PABPC4L: variants seen among roughly 807,000 people sequenced by gnomAD.
PABPC4L encodes poly(A) binding protein cytoplasmic 4 like, also known as polyadenylate-binding protein 4-like.
For missense variants in PABPC4L, 452 were observed against 451.4 expected (o/e 1.00, Z -0.01); for synonymous variants, 169 against 164.1 (o/e 1.03, Z -0.23).
the PABPC4L span, among the ~76,000 whole-genome samples, chr4:134,150,547 A>C: frequency 6.6e-6 from 1 of 152,138 alleles, no homozygotes; most frequent in Non-Finnish European, 1.5e-5. Flanking sequence ...TGCAAATTTC[A>C]CTTTAAAAAA....
chr4:134,080,079 G>A, the PABPC4L span, among the ~76,000 whole-genome samples: 1 of 151,154 alleles, frequency 6.6e-6, no homozygotes, highest in Non-Finnish European at 1.5e-5. Flanking sequence ...GAATATTGCT[G>A]GAAATAATAA....
chr4:134,040,015 T>C, the PABPC4L span, among the ~76,000 whole-genome samples: 1 of 151,872 alleles, frequency 6.6e-6, no homozygotes, highest in East Asian at 1.9e-4. Flanking sequence ...ACAAGGGATG[T>C]GAAGGGCCTC....
chr4:134,092,788 C>T, the PABPC4L span, among the ~76,000 whole-genome samples: 1 of 152,190 alleles, frequency 6.6e-6, no homozygotes, highest in East Asian at 1.9e-4. Flanking sequence ...CCATCCCTCC[C>T]ACCATCGCAA....
rs1729667822 is a variant in PABPC4L at position 134,196,706 on chromosome 4, A to G, written c.*3201T>C. The G allele has an allele frequency of 6.6e-6, 1 of 151,758 alleles. No individual in the cohort carries two copies. The highest frequency in any genetic ancestry group is 1.9e-4 in the East Asian group (1 of 5,194). 9.4% of individuals were successfully genotyped at this position (151,758 alleles called of 1,614,324 possible). Reference sequence around the variant, plus strand: ...AATATTCTTTAATGAATGAATCTCTATTTTCAACTAAGATAACTTGCTATT... The same window carrying G: ...AATATTCTTTAATGAATGAATCTCTGTTTTCAACTAAGATAACTTGCTATT... On this transcript the variant is annotated 3_prime_UTR_variant, in exon 2 of 2. Transcript: ENST00000421491.
At chr4:134,014,556 AC>A in the PABPC4L span, among the ~76,000 whole-genome samples, 5 of 152,056 alleles carry the variant, frequency 3.3e-5, no homozygotes, top group African/African-American at 1.2e-4. Context: ...TGTTCAACTT[AC>A]CTGGCAGCCA....
the PABPC4L span, among the ~76,000 whole-genome samples, chr4:134,072,223 C>A: frequency 6.6e-6 from 1 of 152,178 alleles, no homozygotes; most frequent in East Asian, 1.9e-4. Flanking sequence ...CAGTGTTATC[C>A]CTTTTAGTTC....
chr4:134,007,264 A>C, the PABPC4L span, among the ~76,000 whole-genome samples: 2 of 151,742 alleles, frequency 1.3e-5, no homozygotes, highest in Non-Finnish European at 3.0e-5. Context: ...AATGATGTTA[A>C]TTGAAAGTTT....
chr4:134,068,951 C>G, the PABPC4L span, among the ~76,000 whole-genome samples: 2 of 152,056 alleles, frequency 1.3e-5, no homozygotes, highest in African/African-American at 4.8e-5. Flanking sequence ...CTCAGGTGAT[C>G]CAACCACCTG....
chr4:134,167,174 C>T, the PABPC4L span, among the ~76,000 whole-genome samples: 2 of 152,102 alleles, frequency 1.3e-5, no homozygotes, highest in Non-Finnish European at 2.9e-5. Flanking sequence ...GAATGTACAA[C>T]ACCAAGAGTG....
chr4:134,175,424 T>A, the PABPC4L span, among the ~76,000 whole-genome samples: 107,359 of 151,746 alleles, frequency 0.71, 39,539 homozygotes, highest in East Asian at 1. Flanking sequence ...ATTTATTTTT[T>A]AAATTAATTA....
chr4:133,959,875 T>C, the PABPC4L span, among the ~76,000 whole-genome samples: 1 of 152,254 alleles, frequency 6.6e-6, no homozygotes, highest in African/African-American at 2.4e-5. Context: ...GAGAAGTTCA[T>C]TTTCATCTTT....
chr4:134,067,266 G>C, the PABPC4L span, among the ~76,000 whole-genome samples: 1 of 152,046 alleles, frequency 6.6e-6, no homozygotes, highest in Admixed American at 6.6e-5. Context: ...GTTGGAGGTG[G>C]TAAGTTTCCA....
the PABPC4L span, among the ~76,000 whole-genome samples, chr4:133,969,962 T>G: frequency 6.6e-6 from 1 of 151,642 alleles, no homozygotes; most frequent in South Asian, 2.1e-4. Flanking sequence ...CTGATCTTTC[T>G]CAAATCAATC....
At chr4:134,145,192 A>C in the PABPC4L span, among the ~76,000 whole-genome samples, 1 of 151,830 alleles carries the variant, frequency 6.6e-6, no homozygotes, top group Non-Finnish European at 1.5e-5. Context: ...AGTCAGTTTA[A>C]GATGTTAGCA....
At chr4:133,984,567 T>C in the PABPC4L span, among the ~76,000 whole-genome samples, 2,485 of 152,012 alleles carry the variant, frequency 0.016, 78 homozygotes, top group African/African-American at 0.056. Context: ...ACACTATCTC[T>C]GAAATCTATG....
the PABPC4L span, among the ~76,000 whole-genome samples, chr4:134,061,632 G>C: frequency 3.8e-4 from 35 of 91,882 alleles, no homozygotes; most frequent in South Asian, 2.2e-3. Context: ...GAGAGAGAGA[G>C]AGAGAGAGAG....
chr4:134,092,981 G>A, the PABPC4L span, among the ~76,000 whole-genome samples: 5 of 151,838 alleles, frequency 3.3e-5, no homozygotes, highest in Admixed American at 6.6e-5. Context: ...TTTTTCTAGC[G>A]AATTACTCAT....
At chr4:134,165,528 GA>G in the PABPC4L span, among the ~76,000 whole-genome samples, 585 of 152,064 alleles carry the variant, frequency 3.8e-3, 22 homozygotes, top group East Asian at 0.088. Flanking sequence ...CAATAAACAT[GA>G]AAAAATGTTC....
the PABPC4L span, among the ~76,000 whole-genome samples, chr4:134,120,866 C>A: frequency 6.6e-6 from 1 of 151,224 alleles, no homozygotes; most frequent in East Asian, 1.9e-4. Flanking sequence ...CAGCTTGATG[C>A]ATTTTTAAAT....
Sources: allele counts gnomAD v4.1 joint callset (sites outside exome capture counted in the v4.1 genomes callset), GRCh38; gene constraint gnomAD v4.1.1; transcripts MANE v1.5; gene names NCBI Gene and HGNC (gene_info 2026-07-23, HGNC 2026-07-21).